TMEM132B: variants seen among roughly 807,000 people sequenced by gnomAD.
TMEM132B encodes transmembrane protein 132B.
TMEM132B carries 18 observed loss-of-function variants against 90.8 expected under a neutral mutation model. The ratio of observed to expected loss-of-function variants is 0.20; its 90% CI spans 0.14 to 0.29. TMEM132B has a LOEUF of 0.29. TMEM132B is among the 10% of genes least tolerant of loss of function. The pLI is 1.00. For missense variants in TMEM132B, 1,096 were observed against 1,326.8 expected, an observed-to-expected ratio of 0.83 and a Z score of 2.70; for synonymous variants, 504 against 523.3, an observed-to-expected ratio of 0.96 and a Z score of 0.50.
intron 1 of TMEM132B, among the ~76,000 whole-genome samples, chr12:125,263,336 G>A (rs1433262949): frequency 1.3e-5 from 2 of 152,224 alleles, no homozygotes; most frequent in Non-Finnish European, 2.9e-5. Flanking sequence ...AAGACTGCAT[G>A]TGGCATTGTG....
In TMEM132B at chr12:125,246,320, A is replaced by G. The variant is rs879631229; in HGVS notation, c.67+59454A>G. Among the ~76,000 whole-genome samples the G allele has an allele frequency of 2.6e-5, 4 of 152,032 alleles. No homozygotes were observed. The highest frequency in any genetic ancestry group is 6.5e-5 in the Admixed American group (1 of 15,276). On this transcript the variant is annotated intron_variant, in intron 1 of 8. Transcript: ENST00000682704. The surrounding 1 kb of genome is among the most constrained non-coding windows in gnomAD (Gnocchi z 4.2). ...CCACAGGGAACTCAAGCCGGTTTGG[A>G]GTTAGGGAGCAAGTTGATCCGTGTA...
chr12:125,611,042 C>A (rs12317327), intron 5 of TMEM132B, among the ~76,000 whole-genome samples: 25,038 of 151,892 alleles, frequency 0.16, 2,372 homozygotes, highest in African/African-American at 0.22. Flanking sequence ...TTTTCTTCTT[C>A]TTATTTTTGA....
intron 1 of TMEM132B, among the ~76,000 whole-genome samples, chr12:125,315,411 C>T (rs1052241100): frequency 6.6e-6 from 1 of 152,172 alleles, no homozygotes; most frequent in African/African-American, 2.4e-5. Flanking sequence ...GTTGGCCAAG[C>T]TGGTCTCGAA....
chr12:125,293,619 G>A (rs2136150037), intron 1 of TMEM132B, among the ~76,000 whole-genome samples: 1 of 152,294 alleles, frequency 6.6e-6, no homozygotes, highest in Non-Finnish European at 1.5e-5. Context: ...TGCTGCAAAG[G>A]ACATGATTTT....
At chr12:125,444,712 A>G (rs1387744272) in intron 3 of TMEM132B, among the ~76,000 whole-genome samples, 1 of 152,206 alleles carries the variant, frequency 6.6e-6, no homozygotes, top group African/African-American at 2.4e-5. Context: ...CAGTTATGCA[A>G]TCAAACACTA....
chr12:125,433,670 C>G (rs1281422639), intron 3 of TMEM132B, among the ~76,000 whole-genome samples: 1 of 97,758 alleles, frequency 1.0e-5, no homozygotes, highest in Non-Finnish European at 1.9e-5. Context: ...TCCCTCCCCC[C>G]TCCCCCCACC....
At chr12:125,267,532 CCTCT>C (rs1874723767) in intron 1 of TMEM132B, among the ~76,000 whole-genome samples, 1 of 152,170 alleles carries the variant, frequency 6.6e-6, no homozygotes, top group African/African-American at 2.4e-5. Context: ...TCTGTCACAT[CCTCT>C]CTCTTTTTGG....
chr12:125,494,861 C>A (rs1277950268), intron 3 of TMEM132B, among the ~76,000 whole-genome samples: 1 of 71,932 alleles, frequency 1.4e-5, no homozygotes, highest in Non-Finnish European at 2.9e-5. Flanking sequence ...AATGGCCACG[C>A]CCCTCCTCCC....
At chr12:125,505,454 T>G (rs1882822074) in intron 3 of TMEM132B, among the ~76,000 whole-genome samples, 1 of 151,952 alleles carries the variant, frequency 6.6e-6, no homozygotes, top group South Asian at 2.1e-4. Flanking sequence ...ATCCCAGCAC[T>G]TTGGGAGGCC....
chr12:125,196,864 C>T lies in TMEM132B; in HGVS notation c.67+9998C>T, dbSNP rs117081053. ...TGATGATCTTAATAATGATGCTTGACGCGACCAGGGCTCAGTTATGCTGCT... is the reference window on the plus strand; with the variant it reads ...TGATGATCTTAATAATGATGCTTGATGCGACCAGGGCTCAGTTATGCTGCT... On this transcript the variant is annotated intron_variant, in intron 1 of 8. Coordinates refer to ENST00000682704, the MANE Select transcript of TMEM132B (RefSeq NM_001366854.1). Among the ~76,000 whole-genome samples, 103 of 152,228 alleles carry T rather than the reference C, an allele frequency of 6.8e-4. 1 individual carries two copies. The East Asian group carries it at 0.013, about 19-fold the overall frequency.
intron 1 of TMEM132B, among the ~76,000 whole-genome samples, chr12:125,237,153 A>C (rs893099038): frequency 1.3e-5 from 2 of 152,186 alleles, no homozygotes; most frequent in Non-Finnish European, 2.9e-5. Context: ...TTAGAATGCT[A>C]ATATGGCCAG....
rs546990063 is a variant in TMEM132B, at chr12:125,460,057, C to T, written c.1106+44380C>T. Among the ~76,000 whole-genome samples the T allele has an allele frequency of 6.6e-6, 1 of 152,262 alleles. No homozygotes were observed. Among genetic ancestry groups the T allele is most frequent in the Non-Finnish European group, 1.5e-5 (1 of 68,016 alleles). Reference sequence around the variant, plus strand: ...TATAAATTACACAGTCTCAGGTATGCCTTTATCAGCAGTGTGTGAACAGAC... The same window carrying T: ...TATAAATTACACAGTCTCAGGTATGTCTTTATCAGCAGTGTGTGAACAGAC... On this transcript the variant is annotated intron_variant, in intron 3 of 8. Transcript: ENST00000682704. This position sits in a 1 kb window ranked among gnomAD's most constrained non-coding sequence, Gnocchi z 4.4.
intron 3 of TMEM132B, among the ~76,000 whole-genome samples, chr12:125,462,272 C>A (rs978515248): frequency 1.3e-5 from 2 of 152,122 alleles, no homozygotes; most frequent in African/African-American, 4.8e-5. Context: ...GGACTCTTAG[C>A]CAATTTGATT....
intron 1 of TMEM132B, among the ~76,000 whole-genome samples, chr12:125,201,440 A>G (rs1873059525): frequency 6.6e-6 from 1 of 152,234 alleles, no homozygotes; most frequent in Non-Finnish European, 1.5e-5. Context: ...TCTTCACGAA[A>G]GATTTAAATA....
intron 2 of TMEM132B, among the ~76,000 whole-genome samples, chr12:125,397,788 T>A (rs1230663720): frequency 1.3e-5 from 2 of 152,220 alleles, no homozygotes; most frequent in Admixed American, 1.3e-4. Context: ...TAGGAACCAA[T>A]GCTTGGGGCA....
At chr12:125,215,915 A>G (rs1310270278) in intron 1 of TMEM132B, among the ~76,000 whole-genome samples, 4 of 152,204 alleles carry the variant, frequency 2.6e-5, no homozygotes, top group African/African-American at 9.7e-5. Flanking sequence ...AAGAGCCTTA[A>G]CTTGATCACA....
chr12:125,430,868 T>C (rs1379767994), intron 3 of TMEM132B, among the ~76,000 whole-genome samples: 1 of 151,916 alleles, frequency 6.6e-6, no homozygotes, highest in Non-Finnish European at 1.5e-5. Context: ...AACTGGGAGG[T>C]TCTGCTTCAG....
intron 5 of TMEM132B, among the ~76,000 whole-genome samples, chr12:125,599,043 A>G (rs556437828): frequency 6.6e-6 from 1 of 152,234 alleles, no homozygotes; most frequent in East Asian, 1.9e-4. Flanking sequence ...GTAGTGAGGG[A>G]GCAACATAGT....
Position 125,212,044 on chromosome 12 carries a change from C to T in TMEM132B, c.67+25178C>T, listed in dbSNP as rs146406772. Among the ~76,000 whole-genome samples, 340 of 152,346 alleles carry T rather than the reference C, an allele frequency of 2.2e-3. 2 individuals carry two copies. Among genetic ancestry groups the T allele is most frequent in the Non-Finnish European group, 4.3e-3 (292 of 68,030 alleles). ...GTCACCTTTCTTCCCTCTTCAGGGA[C>T]CATGGCAGCCTTCTGCCATAGGTAG... On this transcript the variant is annotated intron_variant, in intron 1 of 8. Transcript: ENST00000682704.
Sources: allele counts gnomAD v4.1 joint callset (sites outside exome capture counted in the v4.1 genomes callset), GRCh38; gene constraint gnomAD v4.1.1; non-coding constraint Gnocchi (gnomAD v3.1); transcripts MANE v1.5; gene names NCBI Gene and HGNC (gene_info 2026-07-23, HGNC 2026-07-21).